The following ZNF8 variants were observed in gnomAD, a reference collection of about 807,000 sequenced individuals.
The protein encoded by ZNF8 is zinc finger protein 8, also known as zinc finger protein 272.
ZNF8 carries 9 observed loss-of-function variants against 12.2 expected under a neutral mutation model. The observed-to-expected ratio is 0.73, with a 90% CI of 0.44 to 1.28. The LOEUF is 1.28. Ranked by LOEUF, ZNF8 falls within the 50% of genes most tolerant of loss-of-function variation. ZNF8 has a pLI of 0.00. For missense variants in ZNF8, 664 were observed against 729.1 expected, an observed-to-expected ratio of 0.91 and a Z score of 1.03; for synonymous variants, 274 against 282.3, an observed-to-expected ratio of 0.97 and a Z score of 0.30.
intron 1 of ZNF8, among the ~76,000 whole-genome samples, chr19:58,285,488 T>C (rs1434990609): frequency 6.6e-6 from 1 of 152,228 alleles, no homozygotes; most frequent in Non-Finnish European, 1.5e-5. Flanking sequence ...GTAGGTCAGC[T>C]CTGCCTGGCG....
In ZNF8 at chr19:58,290,300, G is replaced by C. The variant is rs542951830; in HGVS notation, c.290-3798G>C. On this transcript the variant is annotated intron_variant, in intron 3 of 3. Transcript: ENST00000621650. ...TAATTTTTTTTTTGTATTTTTAGTA[G>C]AGACGGGGTTTCACCGTGTTGGCCA... Among the ~76,000 whole-genome samples, 227 of 147,852 alleles carry C rather than the reference G, an allele frequency of 1.5e-3. 2 individuals are homozygous for C. The highest frequency in any genetic ancestry group is 5.2e-3 in the African/African-American group (210 of 40,094).
At chr19:58,290,260 G>A (rs543507088) in intron 3 of ZNF8, among the ~76,000 whole-genome samples, 4 of 149,976 alleles carry the variant, frequency 2.7e-5, no homozygotes, top group South Asian at 2.1e-4. Context: ...ACAGGTGCCC[G>A]CCACTGCACC....
At position 58,290,402 on chromosome 19, in the gene ZNF8, C is replaced by T. The variant is rs1433044532; in HGVS notation, c.290-3696C>T. ...GTGCTGGGATTACAGACGTGAGCCA[C>T]CGCGCCCGGCCATCAAGATTCTTAA... On this transcript the variant is annotated intron_variant, in intron 3 of 3. Transcript: ENST00000621650. Among the ~76,000 whole-genome samples the T allele has an allele frequency of 2.0e-5, 3 of 152,274 alleles. No homozygotes were observed. In the East Asian group the frequency reaches 5.8e-4, roughly 29 times the overall value.
In ZNF8 at chr19:58,285,697, G is replaced by C. The variant is rs751026876; in HGVS notation, c.67-20G>C. 1.2e-6 allele frequency: 2 copies of C among 1,614,150 alleles called. No homozygotes were observed. The highest frequency in any genetic ancestry group is 1.7e-6 in the Non-Finnish European group (2 of 1,180,024). ...TGATGGAGATAGTCCAGCTGATTGAGAATGTGTGTGATGTTTCAGGAACCA... is the reference window on the plus strand; with the variant it reads ...TGATGGAGATAGTCCAGCTGATTGACAATGTGTGTGATGTTTCAGGAACCA... On this transcript the variant is annotated intron_variant, in intron 1 of 3. Coordinates refer to ENST00000621650, the MANE Select transcript of ZNF8 (RefSeq NM_021089.3).
chr19:58,294,591 C>G lies in ZNF8; in HGVS notation c.783C>G (p.Asp261Glu). ...QVQDKPYKCT[D>E]CGKSFNHNAH... is the part of the protein sequence containing the mutation. ...AGGACAAACCCTACAAATGTACTGA[C>G]TGTGGGAAGTCGTTTAACCATAACG... The change falls in exon 4 of 4, where the codon GAC becomes GAG. Residue 261 changes from aspartate (D) to glutamate (E), a missense_variant. Physicochemically the swap from Asp to Glu is conservative, Grantham distance 45. Coordinates refer to ENST00000621650, the MANE Select transcript of ZNF8 (RefSeq NM_021089.3). The surrounding 1 kb of genome is among the most constrained non-coding windows in gnomAD (Gnocchi z 5.5). The G allele has an allele frequency of 6.2e-7, 1 of 1,614,146 alleles. No homozygotes were observed. Among genetic ancestry groups the G allele is most frequent in the African/African-American group, 1.3e-5 (1 of 75,050 alleles).
intron 1 of ZNF8, among the ~76,000 whole-genome samples, chr19:58,282,632 A>G (rs1400726860): frequency 6.8e-6 from 1 of 147,900 alleles, no homozygotes; most frequent in Non-Finnish European, 1.5e-5. Context: ...ATTTAATTTA[A>G]TTTTTTTTTT....
intron 1 of ZNF8, among the ~76,000 whole-genome samples, chr19:58,282,124 T>TA (rs2051353881): frequency 6.7e-6 from 1 of 149,792 alleles, no homozygotes; most frequent in African/African-American, 2.5e-5. Flanking sequence ...AAATAAAAAA[T>TA]AAAAAAATTG....
In ZNF8 at chr19:58,285,759, G is replaced by A. The variant is rs1291697739; in HGVS notation, c.109G>A (p.Glu37Lys). 3 of 1,614,174 alleles carry A rather than the reference G, an allele frequency of 1.9e-6. No individual in the cohort carries two copies. The highest frequency in any genetic ancestry group is 2.5e-6 in the Non-Finnish European group (3 of 1,180,042). ...FRDVAVDFTQ[E>K]EWGQLDPTQR... ...GGATGTGGCTGTGGACTTTACCCAG[G>A]AGGAATGGGGGCAGCTGGACCCTAC... The change falls in exon 2 of 4, where the codon GAG becomes AAG. Residue 37 changes from glutamate (E) to lysine (K), a missense_variant. Around this residue, in one of 3 missense-constraint regions of ZNF8, gnomAD observed 306 missense variants for 308.7 expected, o/e 0.99. Transcript: ENST00000621650.
At chr19:58,279,664 C>T (rs1251079983) in intron 1 of ZNF8, 1 of 1,533,378 alleles carries the variant, frequency 6.5e-7, no homozygotes, top group Admixed American at 2.0e-5. Context: ...GGTCACCACG[C>T]ACTGAGTGTG....
chr19:58,295,285 G>A lies in ZNF8; in HGVS notation c.1477G>A (p.Glu493Lys). 1 of 1,614,204 alleles carries A rather than the reference G, an allele frequency of 6.2e-7. No individual in the cohort carries two copies. The highest frequency in any genetic ancestry group is 8.5e-7 in the Non-Finnish European group (1 of 1,180,018). ...IRHQITHTRE[E>K]QPHGRSRRRE... ...GCACCAGATAACTCACACCAGAGAG[G>A]AGCAGCCCCATGGGCGAAGCCGGCG... Residue 493 changes from glutamate (E) to lysine (K), a missense_variant, in exon 4 of 4, where the codon GAG becomes AAG. Physicochemically the swap from Glu to Lys is moderately conservative, Grantham distance 56. This residue lies in a region of ZNF8 where 225 missense variants were observed against 222.0 expected (regional missense o/e 1.01). Transcript: ENST00000621650.
At chr19:58,284,205 C>T (rs1000256372) in intron 1 of ZNF8, among the ~76,000 whole-genome samples, 2 of 151,316 alleles carry the variant, frequency 1.3e-5, no homozygotes, top group African/African-American at 4.9e-5. Context: ...GCCTGATTGA[C>T]AGAGTGAGAC....
rs2051489236 is a variant in ZNF8 at position 58,301,067 on chromosome 19, C to G, written c.*5531C>G. On this transcript the variant is annotated 3_prime_UTR_variant, in exon 4 of 4. Transcript: ENST00000621650. ...TTGTGCTGCTCACCACCAAATCAGT[C>G]TGGTGCTTCTGAGATTTGGGCTTCA... is the stretch of plus-strand genomic sequence containing the variant. 1.3e-5 allele frequency: 2 copies of G among 152,326 alleles called. No homozygotes were observed. The highest frequency in any genetic ancestry group is 1.3e-4 in the Admixed American group (2 of 15,280). The allele number at this position is 152,326 out of a possible 1,614,324, so 9.4% of individuals were successfully genotyped here.
At chr19:58,285,621 C>T in intron 1 of ZNF8, 96 bp from the exon 2 acceptor site, 3 of 1,572,208 alleles carry the variant, frequency 1.9e-6, no homozygotes, top group Admixed American at 1.7e-5. Flanking sequence ...TCTCTCGTGA[C>T]ACAGGCCTGC....
intron 3 of ZNF8, among the ~76,000 whole-genome samples, chr19:58,287,989 C>T (rs1428566112): frequency 6.8e-6 from 1 of 146,724 alleles, no homozygotes. Flanking sequence ...TAGGCGTAAG[C>T]CACTATGCCT....
intron 3 of ZNF8, among the ~76,000 whole-genome samples, chr19:58,290,059 G>A (rs1457316856): frequency 2.0e-5 from 3 of 148,198 alleles, no homozygotes; most frequent in Non-Finnish European, 4.4e-5. Context: ...GCCTCCCAAA[G>A]TGCTGGGATT....
chr19:58,287,348 T>TTTC (rs1266180557), intron 3 of ZNF8, among the ~76,000 whole-genome samples: 1 of 149,610 alleles, frequency 6.7e-6, no homozygotes, highest in Non-Finnish European at 1.5e-5. Flanking sequence ...TTTTTTTTTT[T>TTTC]TTTTTTTGAG....
chr19:58,291,624 A>G (rs1170765472), intron 3 of ZNF8, among the ~76,000 whole-genome samples: 1 of 152,150 alleles, frequency 6.6e-6, no homozygotes, highest in Non-Finnish European at 1.5e-5. Context: ...GCAAAGAATG[A>G]CAGGAAAGGC....
chr19:58,283,888 C>T (rs1486407943), intron 1 of ZNF8, among the ~76,000 whole-genome samples: 7 of 134,340 alleles, frequency 5.2e-5, no homozygotes, highest in African/African-American at 1.2e-4. Flanking sequence ...CATGAGCCAC[C>T]GCTCCCAGCC....
chr19:58,279,186 G>C, intron 1 of ZNF8, 39 bp downstream of exon 1: 2 of 1,543,762 alleles, frequency 1.3e-6, no homozygotes, highest in Non-Finnish European at 1.7e-6. Context: ...CGGGCTCCGG[G>C]CAAGCGTCTC....
Sources: allele counts gnomAD v4.1 joint callset (sites outside exome capture counted in the v4.1 genomes callset), GRCh38; gene constraint gnomAD v4.1.1; regional missense constraint gnomAD v4.1.1; non-coding constraint Gnocchi (gnomAD v3.1); transcripts MANE v1.5; gene names NCBI Gene and HGNC (gene_info 2026-07-23, HGNC 2026-07-21).